Variants in RARB observed in about 807,000 individuals in gnomAD.
RARB encodes retinoic acid receptor beta, also known as HBV-activated protein.
A neutral mutation model predicts 51.9 loss-of-function variants in RARB; 17 were observed. That is an observed-to-expected ratio of 0.33 (90% CI 0.22 to 0.49). RARB has a LOEUF of 0.49. Ranked by LOEUF, RARB falls within the 20% of genes least tolerant of loss-of-function variation. The probability of loss-of-function intolerance (pLI) is 0.99; values close to 1 mark genes in which losing one functional copy is unlikely to be tolerated. For synonymous variants in RARB, 215 were observed against 195.4 expected, an observed-to-expected ratio of 1.10 and a Z score of -0.84; for missense variants, 369 against 550.8, an observed-to-expected ratio of 0.67 and a Z score of 3.30.
rs557847769 is a variant in RARB, at chr3:25,196,883, G to T, written c.178+22308G>T. Among the ~76,000 whole-genome samples, 540 of 151,954 alleles carry T rather than the reference G, an allele frequency of 3.6e-3. 1 individual carries two copies. The highest frequency in any genetic ancestry group is 0.012 in the African/African-American group (501 of 41,492). ...TAAATGTCTTCTTTTGAGAAGTGTTGGTTCATATCCTTCGCCCACTTTTTG... is the reference window on the plus strand; with the variant it reads ...TAAATGTCTTCTTTTGAGAAGTGTTTGTTCATATCCTTCGCCCACTTTTTG... On this transcript the variant is annotated intron_variant, in intron 5 of 11. Transcript: ENST00000383772.
chr3:25,553,110 A>G (rs1699914005), intron 3 of RARB, among the ~76,000 whole-genome samples: 1 of 152,072 alleles, frequency 6.6e-6, no homozygotes, highest in South Asian at 2.1e-4. Context: ...TACATATTCA[A>G]AATTTTAGTT....
intron 4 of RARB, among the ~76,000 whole-genome samples, chr3:25,157,416 T>G (rs923276268): frequency 1.3e-4 from 19 of 151,802 alleles, no homozygotes; most frequent in African/African-American, 4.4e-4. Flanking sequence ...GTTTTTGTTT[T>G]TTTTTGAGAC....
intron 2 of RARB, among the ~76,000 whole-genome samples, chr3:25,038,787 C>T (rs2125293844): frequency 6.6e-6 from 1 of 152,238 alleles, no homozygotes; most frequent in East Asian, 1.9e-4. Flanking sequence ...CGATACATTA[C>T]TTGAGATTTA....
At chr3:25,585,742 C>T (rs1361149236) in intron 5 of RARB, among the ~76,000 whole-genome samples, 1 of 152,178 alleles carries the variant, frequency 6.6e-6, no homozygotes, top group Non-Finnish European at 1.5e-5. Flanking sequence ...GTAAAAGAGC[C>T]ACTGCCTATG....
chr3:25,143,655 G>C (rs1438874776), intron 4 of RARB, among the ~76,000 whole-genome samples: 1 of 152,164 alleles, frequency 6.6e-6, no homozygotes, highest in African/African-American at 2.4e-5. Context: ...CTGAACCTGA[G>C]CAACCCCAAA....
At chr3:24,869,111 G>A (rs1337073546) in intron 2 of RARB, among the ~76,000 whole-genome samples, 1 of 152,044 alleles carries the variant, frequency 6.6e-6, no homozygotes, top group Non-Finnish European at 1.5e-5. Flanking sequence ...AGGAAACTCA[G>A]AATAATTCTC....
chr3:25,409,412 C>T (rs566404171), intron 5 of RARB, among the ~76,000 whole-genome samples: 1 of 152,112 alleles, frequency 6.6e-6, no homozygotes, highest in African/African-American at 2.4e-5. Flanking sequence ...ATAGTCATTG[C>T]AAACTTTTTC....
chr3:25,171,553 T>G (rs1700646029), intron 4 of RARB, among the ~76,000 whole-genome samples: 1 of 119,416 alleles, frequency 8.4e-6, no homozygotes, highest in Non-Finnish European at 1.6e-5. Context: ...ACAGGCAAGA[T>G]GCTGACAATC....
At chr3:25,098,827 T>C (rs1699347593) in intron 3 of RARB, among the ~76,000 whole-genome samples, 1 of 152,222 alleles carries the variant, frequency 6.6e-6, no homozygotes, top group Non-Finnish European at 1.5e-5. Context: ...ACAAATCCAA[T>C]GTTAATGCCT....
intron 5 of RARB, among the ~76,000 whole-genome samples, chr3:25,349,095 T>G (rs1705482756): frequency 6.6e-6 from 1 of 152,124 alleles, no homozygotes; most frequent in Non-Finnish European, 1.5e-5. Context: ...TTCCCTTCCA[T>G]CCACTCCACA....
intron 2 of RARB, among the ~76,000 whole-genome samples, chr3:25,021,198 C>T (rs1697628719): frequency 6.6e-6 from 1 of 152,106 alleles, no homozygotes; most frequent in Admixed American, 6.5e-5. Flanking sequence ...TAATATATTA[C>T]TAATGCAAAT....
At chr3:25,192,055 G>A (rs1701117013) in intron 5 of RARB, among the ~76,000 whole-genome samples, 1 of 151,976 alleles carries the variant, frequency 6.6e-6, no homozygotes, top group Non-Finnish European at 1.5e-5. Flanking sequence ...ATGATTGAGA[G>A]TTTTGAATGT....
chr3:25,506,516 T>C (rs756116293), intron 3 of RARB, among the ~76,000 whole-genome samples: 2 of 151,780 alleles, frequency 1.3e-5, no homozygotes, highest in Non-Finnish European at 2.9e-5. Flanking sequence ...ATCGGGAGGC[T>C]GAGGAAGGAG....
chr3:25,161,486 A>G (rs6793141), intron 4 of RARB, among the ~76,000 whole-genome samples: 100,742 of 151,950 alleles, frequency 0.66, 33,563 homozygotes, highest in East Asian at 0.77. Context: ...TTTCACAGAG[A>G]CCTAACTCCA....
chr3:25,359,504 T>C (rs1234364022), intron 5 of RARB, among the ~76,000 whole-genome samples: 1 of 152,240 alleles, frequency 6.6e-6, no homozygotes, highest in Non-Finnish European at 1.5e-5. Context: ...AGTTATTTCT[T>C]GTCTTCTGCT....
chr3:24,941,644 C>T (rs1695670154), intron 2 of RARB, among the ~76,000 whole-genome samples: 1 of 152,162 alleles, frequency 6.6e-6, no homozygotes, highest in South Asian at 2.1e-4. Context: ...GCTGGGATTA[C>T]AGGCATGAGC....
At chr3:25,398,998 T>G (rs78063933) in intron 5 of RARB, among the ~76,000 whole-genome samples, 2 of 151,920 alleles carry the variant, frequency 1.3e-5, no homozygotes, top group African/African-American at 4.8e-5. Flanking sequence ...GTCCCCAGAT[T>G]ACATGTGGCA....
intron 2 of RARB, among the ~76,000 whole-genome samples, chr3:24,875,132 A>G (rs980848890): frequency 3.9e-5 from 6 of 152,158 alleles, no homozygotes; most frequent in Admixed American, 3.3e-4. Context: ...TTTTTAAAAA[A>G]AGATTTACAT....
At chr3:25,565,944 C>T (rs1466838692) in intron 3 of RARB, among the ~76,000 whole-genome samples, 1 of 152,158 alleles carries the variant, frequency 6.6e-6, no homozygotes, top group Non-Finnish European at 1.5e-5. Context: ...GCACTAGTTC[C>T]AGATCTCCTG....
Sources: allele counts gnomAD v4.1 joint callset (sites outside exome capture counted in the v4.1 genomes callset), GRCh38; gene constraint gnomAD v4.1.1; transcripts MANE v1.5; gene names NCBI Gene and HGNC (gene_info 2026-07-23, HGNC 2026-07-21).